PDPK1: variants seen among roughly 807,000 people sequenced by gnomAD.
PDPK1 encodes 3-phosphoinositide dependent protein kinase 1, also known as 3-phosphoinositide-dependent protein kinase 1.
Under a neutral mutation model 39.8 loss-of-function variants are expected in PDPK1, and 7 were observed. The observed-to-expected ratio is 0.18, with a 90% confidence interval of 0.10 to 0.33. The LOEUF is 0.33. Ranked by LOEUF, PDPK1 falls within the 10% of genes least tolerant of loss-of-function variation. The pLI, the probability that PDPK1 is intolerant of heterozygous loss-of-function variation, is 1.00. For missense variants in PDPK1, 182 were observed against 384.7 expected (o/e 0.47, Z 4.41); for synonymous variants, 118 against 159.1 (o/e 0.74, Z 1.95).
At chr16:2,587,534 A>G (rs965500540) in intron 11 of PDPK1, among the ~76,000 whole-genome samples, 2 of 151,594 alleles carry the variant, frequency 1.3e-5, no homozygotes, top group African/African-American at 4.9e-5. Context: ...TTTGAGACAG[A>G]GTGTTGCTCT....
chr16:2,538,429 C>G (rs1405160500), intron 1 of PDPK1: 1 of 412,074 alleles, frequency 2.4e-6, no homozygotes, highest in Admixed American at 2.7e-5. Context: ...GTGGAAGTGC[C>G]TGGAAAGTTT....
chr16:2,558,368 T>A (rs1414383268), intron 2 of PDPK1, among the ~76,000 whole-genome samples: 2 of 149,686 alleles, frequency 1.3e-5, no homozygotes, highest in African/African-American at 2.5e-5. Context: ...TCCAGGGTTT[T>A]TGGGGACATT....
chr16:2,591,826 T>C (rs538166121), intron 11 of PDPK1, among the ~76,000 whole-genome samples: 23 of 152,376 alleles, frequency 1.5e-4, no homozygotes, highest in Middle Eastern at 3.4e-3. Flanking sequence ...TTAATAGTAA[T>C]GGGTTTATTG....
chr16:2,560,345 C>G (rs1279033331), intron 2 of PDPK1, among the ~76,000 whole-genome samples: 7 of 151,234 alleles, frequency 4.6e-5, no homozygotes, highest in Non-Finnish European at 8.8e-5. Flanking sequence ...GGAGCCCTGC[C>G]CGGCCCACTT....
intron 10 of PDPK1, 104 bp from the exon 11 acceptor site, chr16:2,586,572 T>C: frequency 1.1e-6 from 1 of 944,868 alleles, no homozygotes; most frequent in Admixed American, 1.9e-5. Context: ...CCTTGCTGTG[T>C]GCGAGCTCCC....
intron 11 of PDPK1, among the ~76,000 whole-genome samples, chr16:2,590,848 A>G (rs989183276): frequency 3.9e-5 from 6 of 151,902 alleles, no homozygotes; most frequent in East Asian, 1.9e-4. Flanking sequence ...AGCTCTCACT[A>G]TGTTACCCAG....
intron 1 of PDPK1, chr16:2,538,850 T>A: frequency 9.9e-7 from 1 of 1,005,556 alleles, no homozygotes; most frequent in Non-Finnish European, 1.3e-6. Context: ...CGCTGGTGTT[T>A]CTATATTTTC....
In PDPK1 at chr16:2,597,237, C is replaced by A; in HGVS notation, c.1516C>A (p.Pro506Thr). The change falls in exon 13 of 14, where the codon CCA becomes ACA. Residue 506 changes from proline to threonine, a missense_variant. By Grantham distance (38) the Pro-to-Thr change is conservative. Transcript: ENST00000342085. The surrounding 1 kb of genome is among the most constrained non-coding windows in gnomAD (Gnocchi z 6.3). Reference sequence around the variant, plus strand: ...AATTCCTTGGTCACAAGAACTTCGACCAGAGGCCAAGAATTTTAAAACTTT... The same window carrying A: ...AATTCCTTGGTCACAAGAACTTCGAACAGAGGCCAAGAATTTTAAAACTTT... ...GEIPWSQELRPEAKNFKTFFV... is the reference protein window; with the variant it reads ...GEIPWSQELRTEAKNFKTFFV... 1 of 1,596,394 alleles carries A rather than the reference C, an allele frequency of 6.3e-7. No homozygotes were observed. The highest frequency in any genetic ancestry group is 8.6e-7 in the Non-Finnish European group (1 of 1,165,684).
In PDPK1 at chr16:2,601,529, A is replaced by G. The variant is rs1476924728; in HGVS notation, c.*3762A>G. 4.3e-6 allele frequency: 1 copy of G among 234,454 alleles called. No individual in the cohort carries two copies. Among genetic ancestry groups the G allele is most frequent in the African/African-American group, 2.2e-5 (1 of 45,300 alleles). 14.5% of individuals were successfully genotyped at this position (234,454 alleles called of 1,614,324 possible). ...TTGCATCTGCACAGTCAGCAGAGAT[A>G]ACAAGTGTTGAACTGACCTTGCCAC... On this transcript the variant is annotated 3_prime_UTR_variant, in exon 14 of 14. Transcript: ENST00000342085.
At chr16:2,592,552 G>A in intron 11 of PDPK1, 1 of 342,220 alleles carries the variant, frequency 2.9e-6, no homozygotes, top group Non-Finnish European at 5.7e-6. Flanking sequence ...GTGGGTACCT[G>A]TAATCCCAGC....
intron 12 of PDPK1, among the ~76,000 whole-genome samples, chr16:2,596,230 C>T (rs904344686): frequency 3.3e-5 from 5 of 152,168 alleles, no homozygotes; most frequent in Admixed American, 6.5e-5. Flanking sequence ...CTTGCTCTGT[C>T]CCCCAGGCTA....
intron 12 of PDPK1, among the ~76,000 whole-genome samples, chr16:2,596,889 G>A (rs1353929756): frequency 2.6e-5 from 4 of 152,068 alleles, no homozygotes; most frequent in East Asian, 3.9e-4. Context: ...CCATGGGCCC[G>A]ATCTGGATGG....
intron 11 of PDPK1, chr16:2,592,718 AAG>A: frequency 9.0e-6 from 4 of 446,176 alleles, no homozygotes; most frequent in Non-Finnish European, 1.8e-5. Context: ...TGCTCACAGC[AAG>A]GAGCTGTTTC....
rs1277616492 is a variant in PDPK1 at position 2,599,819 on chromosome 16, G to C, written c.*2052G>C. On this transcript the variant is annotated 3_prime_UTR_variant, in exon 14 of 14. Coordinates refer to ENST00000342085, the MANE Select transcript of PDPK1 (RefSeq NM_002613.5). ...TGGTTATAGGGAAACAAGTGGAGCA[G>C]GGACGTGGCTTTAATTGGAGCACTC... 4.3e-6 allele frequency: 1 copy of C among 233,854 alleles called. No homozygotes were observed. Among genetic ancestry groups the C allele is most frequent in the Non-Finnish European group, 8.4e-6 (1 of 118,536 alleles). The allele number at this position is 233,854 out of a possible 1,614,324, so 14.5% of individuals were successfully genotyped here. A position where few individuals can be genotyped will look rare whatever the true frequency, so the allele number is the denominator to read the frequency against.
rs1053954844 is a variant in PDPK1, at chr16:2,597,713, C to T, written c.1617C>T (p.Ile539=). 19 of 1,613,778 alleles carry T rather than the reference C, an allele frequency of 1.2e-5. No individual in the cohort carries two copies. The highest frequency in any genetic ancestry group is 1.6e-5 in the Non-Finnish European group (19 of 1,180,000). The change falls in exon 14 of 14, where the codon ATC becomes ATT. Residue 539 remains isoleucine, a synonymous_variant. Coordinates refer to ENST00000342085, the MANE Select transcript of PDPK1 (RefSeq NM_002613.5). The surrounding 1 kb of genome is among the most constrained non-coding windows in gnomAD (Gnocchi z 6.3). ...SGNAHKWCRK[I]QEVWRQRYQS... The stretch of plus-strand genomic sequence containing the variant: ...ACGCACACAAGTGGTGCAGGAAGAT[C>T]CAGGAGGTTTGGAGGCAGCGATACC...
At chr16:2,578,076 G>A (rs1286295915) in intron 7 of PDPK1, among the ~76,000 whole-genome samples, 4 of 149,170 alleles carry the variant, frequency 2.7e-5, no homozygotes, top group African/African-American at 1.0e-4. Context: ...TGAGGAAAGC[G>A]TGGCTGCCGT....
chr16:2,541,505 C>G (rs117244381), intron 1 of PDPK1, among the ~76,000 whole-genome samples: 1 of 152,166 alleles, frequency 6.6e-6, no homozygotes, highest in Non-Finnish European at 1.5e-5. Context: ...CAGGATGCCA[C>G]GTGGTGCTGC....
intron 10 of PDPK1, among the ~76,000 whole-genome samples, chr16:2,586,026 TG>T (rs2141991802): frequency 6.6e-6 from 1 of 152,226 alleles, no homozygotes; most frequent in South Asian, 2.1e-4. Flanking sequence ...GCCAGGAGCG[TG>T]TTAGTGCACA....
rs192528529 is a variant in PDPK1 at position 2,596,234 on chromosome 16, C to G, written c.1401+384C>G. Reference sequence around the variant, plus strand: ...TGAGATGGAGTCTTGCTCTGTCCCCCAGGCTAGAGTGCAGTGGCGCGATCT... The same window carrying G: ...TGAGATGGAGTCTTGCTCTGTCCCCGAGGCTAGAGTGCAGTGGCGCGATCT... On this transcript the variant is annotated intron_variant, in intron 12 of 13. Coordinates refer to ENST00000342085, the MANE Select transcript of PDPK1 (RefSeq NM_002613.5). Among the ~76,000 whole-genome samples, 125 of 152,326 alleles carry G rather than the reference C, an allele frequency of 8.2e-4. 2 individuals are homozygous for G. The East Asian group carries it at 0.022, about 27-fold the overall frequency.
Sources: allele counts gnomAD v4.1 joint callset (sites outside exome capture counted in the v4.1 genomes callset), GRCh38; gene constraint gnomAD v4.1.1; non-coding constraint Gnocchi (gnomAD v3.1); transcripts MANE v1.5; gene names NCBI Gene and HGNC (gene_info 2026-07-23, HGNC 2026-07-21).